The following ZMYM2 variants were observed in gnomAD, a reference collection of about 807,000 sequenced individuals.
ZMYM2 encodes the protein zinc finger MYM-type containing 2, also known as zinc finger MYM-type protein 2.
Under a neutral mutation model 162.8 loss-of-function variants are expected in ZMYM2, and 56 were observed. That is an observed-to-expected ratio of 0.34 (90% CI 0.28 to 0.43). The LOEUF is 0.43. Ranked by LOEUF, ZMYM2 falls within the 20% of genes least tolerant of loss-of-function variation. ZMYM2 has a pLI of 1.00. For missense variants in ZMYM2, 1,275 were observed against 1,621.8 expected, an observed-to-expected ratio of 0.79 and a Z score of 3.67; for synonymous variants, 510 against 541.6, an observed-to-expected ratio of 0.94 and a Z score of 0.81.
At chr13:19,880,385 AT>A in the ZMYM2 span, among the ~76,000 whole-genome samples, 1 of 151,866 alleles carries the variant, frequency 6.6e-6, no homozygotes, top group South Asian at 2.1e-4. Flanking sequence ...TTCTTCGTTA[AT>A]TTAATTCCTA....
chr13:19,883,666 T>C, the ZMYM2 span, among the ~76,000 whole-genome samples: 1 of 152,230 alleles, frequency 6.6e-6, no homozygotes, highest in African/African-American at 2.4e-5. Flanking sequence ...TGCTTTACTA[T>C]GTGCTGAAGC....
chr13:19,876,007 C>T, the ZMYM2 span, among the ~76,000 whole-genome samples: 1 of 151,714 alleles, frequency 6.6e-6, no homozygotes, highest in Non-Finnish European at 1.5e-5. Context: ...ATAAAATTGG[C>T]TCCAGTGTCC....
intron 1 of ZMYM2, 150 bp downstream of exon 1, chr13:19,958,991 C>A (rs1255638929): frequency 6.6e-6 from 1 of 152,040 alleles, no homozygotes; most frequent in African/African-American, 2.4e-5. Context: ...TCCCACCGAC[C>A]CGGGATTAAT....
chr13:20,018,753 A>G (rs928555848), intron 6 of ZMYM2, among the ~76,000 whole-genome samples: 3 of 152,176 alleles, frequency 2.0e-5, no homozygotes, highest in African/African-American at 4.8e-5. Context: ...TTCGTATTAT[A>G]TGCTGGAAAC....
At chr13:19,916,719 G>A in the ZMYM2 span, among the ~76,000 whole-genome samples, 1 of 151,356 alleles carries the variant, frequency 6.6e-6, no homozygotes, top group South Asian at 2.1e-4. Flanking sequence ...TCGGGGGGTG[G>A]GGGGCTGGGG....
intron 12 of ZMYM2, among the ~76,000 whole-genome samples, chr13:20,046,627 A>G (rs1226292319): frequency 3.5e-4 from 50 of 143,030 alleles, no homozygotes; most frequent in African/African-American, 4.8e-4. Context: ...GTGTATATAT[A>G]TGTGTATATA....
the ZMYM2 span, among the ~76,000 whole-genome samples, chr13:19,876,994 G>A: frequency 3.3e-5 from 5 of 152,118 alleles, no homozygotes; most frequent in Non-Finnish European, 5.9e-5. Context: ...GGAGGCCGAG[G>A]CGGGCGGATC....
At chr13:20,076,766 C>T (rs1593258220) in intron 21 of ZMYM2, among the ~76,000 whole-genome samples, 1 of 150,508 alleles carries the variant, frequency 6.6e-6, no homozygotes, top group South Asian at 2.1e-4. Flanking sequence ...TAATTAAATT[C>T]TATTAAAATA....
intron 3 of ZMYM2, among the ~76,000 whole-genome samples, chr13:20,000,400 G>A (rs1320467324): frequency 6.6e-6 from 1 of 152,142 alleles, no homozygotes; most frequent in Non-Finnish European, 1.5e-5. Flanking sequence ...GATGTAGGTG[G>A]CAACATGAAA....
chr13:19,903,883 A>G, the ZMYM2 span, among the ~76,000 whole-genome samples: 1 of 152,010 alleles, frequency 6.6e-6, no homozygotes, highest in Non-Finnish European at 1.5e-5. Flanking sequence ...AATAATATTA[A>G]TAAAAGAACA....
chr13:19,893,719 G>A, the ZMYM2 span, among the ~76,000 whole-genome samples: 5 of 151,750 alleles, frequency 3.3e-5, no homozygotes, highest in East Asian at 1.9e-4. Context: ...TAGCCTGGGC[G>A]ACAGAGTGAG....
intron 19 of ZMYM2, among the ~76,000 whole-genome samples, 151 bp downstream of exon 19, chr13:20,064,696 ATATAT>A (rs1038080480): frequency 3.8e-4 from 58 of 151,482 alleles, no homozygotes; most frequent in African/African-American, 1.3e-3. Context: ...TATAGTAATA[ATATAT>A]TACTGCTATT....
At chr13:19,963,315 T>C (rs1322200676) in intron 2 of ZMYM2, among the ~76,000 whole-genome samples, 1 of 152,226 alleles carries the variant, frequency 6.6e-6, no homozygotes, top group African/African-American at 2.4e-5. Context: ...CTTATATTCC[T>C]GTCAAAGCAT....
At chr13:20,037,149 A>T (rs550066882) in intron 12 of ZMYM2, among the ~76,000 whole-genome samples, 2 of 150,658 alleles carry the variant, frequency 1.3e-5, no homozygotes, top group East Asian at 3.9e-4. Flanking sequence ...TATTTTCAGC[A>T]TTGTAGTTTA....
the ZMYM2 span, among the ~76,000 whole-genome samples, chr13:19,933,214 G>A: frequency 6.6e-6 from 1 of 152,164 alleles, no homozygotes; most frequent in Non-Finnish European, 1.5e-5. Flanking sequence ...GGCCTCCAAA[G>A]TGCTGGGATT....
the ZMYM2 span, among the ~76,000 whole-genome samples, chr13:19,891,468 T>TC: frequency 1.3e-5 from 2 of 151,090 alleles, no homozygotes; most frequent in Non-Finnish European, 2.9e-5. Flanking sequence ...TTTTTTTTTT[T>TC]CCTCTTTAGA....
intron 3 of ZMYM2, among the ~76,000 whole-genome samples, chr13:20,001,646 T>C (rs1240802001): frequency 6.6e-6 from 1 of 152,116 alleles, no homozygotes; most frequent in Non-Finnish European, 1.5e-5. Context: ...TGAAAGAAGC[T>C]CTAGTGTGGG....
intron 22 of ZMYM2, among the ~76,000 whole-genome samples, chr13:20,082,392 T>C (rs2141044850): frequency 1.3e-5 from 2 of 152,298 alleles, no homozygotes; most frequent in Middle Eastern, 6.8e-3. Flanking sequence ...AGCCTTCCAG[T>C]GGAGCTTCTG....
At chr13:20,084,397 A>G (rs1283450912) in intron 24 of ZMYM2, among the ~76,000 whole-genome samples, 2 of 152,212 alleles carry the variant, frequency 1.3e-5, no homozygotes, top group African/African-American at 4.8e-5. Flanking sequence ...TAAATATTTT[A>G]GGCTTTTGGG....
Sources: gnomAD v4.1 joint callset for allele counts (sites outside exome capture counted in the v4.1 genomes callset) on GRCh38, gnomAD v4.1.1 for gene constraint, MANE v1.5 for transcripts, NCBI Gene and HGNC (gene_info 2026-07-23, HGNC 2026-07-21) for gene names.